The following CHCHD3 variants were observed in gnomAD, a reference collection of about 807,000 sequenced individuals.
CHCHD3 encodes MICOS complex subunit MIC19.
In CHCHD3, 20 loss-of-function variants were observed where a neutral mutation model predicts 38.2. The observed-to-expected ratio is 0.52, with a 90% CI of 0.37 to 0.76. The LOEUF is 0.76. CHCHD3 is among the 30% of genes least tolerant of loss of function. The probability of loss-of-function intolerance (pLI) is 0.00; values close to 1 mark genes in which losing one functional copy is unlikely to be tolerated. For synonymous variants in CHCHD3, 82 were observed against 100.0 expected, an observed-to-expected ratio of 0.82 and a Z score of 1.07; for missense variants, 245 against 279.2, an observed-to-expected ratio of 0.88 and a Z score of 0.87.
chr7:133,047,406 T>G (rs549218325), intron 2 of CHCHD3, among the ~76,000 whole-genome samples: 13 of 152,200 alleles, frequency 8.5e-5, no homozygotes, highest in Non-Finnish European at 1.9e-4. Flanking sequence ...CAGGAAAAGC[T>G]ACCCTGCCTG....
chr7:133,000,566 T>G (rs572197932), intron 3 of CHCHD3, among the ~76,000 whole-genome samples: 1 of 152,300 alleles, frequency 6.6e-6, no homozygotes, highest in South Asian at 2.1e-4. Context: ...GGATTTAGCT[T>G]TTTTCACTTA....
At position 133,013,181 on chromosome 7, in the gene CHCHD3, G is replaced by A. The variant is rs904444657; in HGVS notation, c.251+11365C>T. The stretch of plus-strand genomic sequence containing the variant: ...AGCCTGGGCAACAGAGCAAGACTCC[G>A]CCTCAAAAAAAAAAAAAAAAAAAAA... On this transcript the variant is annotated intron_variant, in intron 3 of 7. Coordinates refer to ENST00000262570, the MANE Select transcript of CHCHD3 (RefSeq NM_017812.4). 4.6e-4 allele frequency among the ~76,000 whole-genome samples: 21 copies of A among 45,926 alleles called. No individual in the cohort carries two copies. The South Asian group carries it at 0.013, about 28-fold the overall frequency. 30.1% of individuals were successfully genotyped at this position (45,926 alleles called of 152,430 possible).
chr7:133,027,612 T>C (rs1341749374), intron 2 of CHCHD3, among the ~76,000 whole-genome samples: 7 of 152,116 alleles, frequency 4.6e-5, no homozygotes, highest in Non-Finnish European at 8.8e-5. Context: ...AACAACCTTT[T>C]CTCAAATGGG....
intron 5 of CHCHD3, among the ~76,000 whole-genome samples, chr7:132,874,239 T>C (rs1395123030): frequency 6.6e-6 from 1 of 152,226 alleles, no homozygotes; most frequent in Non-Finnish European, 1.5e-5. Context: ...CCATTCTCTC[T>C]GAACTCCAGT....
intron 5 of CHCHD3, among the ~76,000 whole-genome samples, chr7:132,858,409 T>G (rs940657296): frequency 1.3e-5 from 2 of 152,180 alleles, no homozygotes; most frequent in Admixed American, 6.5e-5. Flanking sequence ...GAGCCAACTT[T>G]TATTATATAC....
rs188196547 is a variant in CHCHD3, at chr7:132,898,875, C to G, written c.370-13130G>C. Reference sequence around the variant, plus strand: ...TGCTAAGCCCCTCATTGCCCGGGGCCGGCAGGGCCGGCCGGCTGCTCCGAG... The same window carrying G: ...TGCTAAGCCCCTCATTGCCCGGGGCGGGCAGGGCCGGCCGGCTGCTCCGAG... On this transcript the variant is annotated intron_variant, in intron 4 of 7. Transcript: ENST00000262570. 6.6e-3 allele frequency among the ~76,000 whole-genome samples: 1,002 copies of G among 152,302 alleles called. 11 individuals carry two copies. Among genetic ancestry groups the G allele is most frequent in the African/African-American group, 0.022 (930 of 41,570 alleles).
intron 4 of CHCHD3, among the ~76,000 whole-genome samples, chr7:132,918,840 A>G (rs1810183946): frequency 6.6e-6 from 1 of 152,166 alleles, no homozygotes; most frequent in African/African-American, 2.4e-5. Context: ...AATAGAAACT[A>G]CTGGCAAATA....
chr7:133,031,367 G>A (rs1333944166), intron 2 of CHCHD3, among the ~76,000 whole-genome samples: 1 of 152,068 alleles, frequency 6.6e-6, no homozygotes, highest in Non-Finnish European at 1.5e-5. Context: ...AGGACTTGAT[G>A]AACTCATCAA....
chr7:132,969,571 T>G (rs921911745), intron 4 of CHCHD3, among the ~76,000 whole-genome samples: 1 of 152,232 alleles, frequency 6.6e-6, no homozygotes, highest in Non-Finnish European at 1.5e-5. Flanking sequence ...TTACTGATAC[T>G]AGAAACCTTG....
chr7:133,006,488 TAAATAAAA>T (rs199933754), intron 3 of CHCHD3, among the ~76,000 whole-genome samples: 7,153 of 62,220 alleles, frequency 0.11, 512 homozygotes, highest in East Asian at 0.36. Flanking sequence ...AATAAATAAA[TAAATAAAA>T]AAATAAATAA....
At chr7:132,805,136 G>A (rs776251639) in intron 6 of CHCHD3, among the ~76,000 whole-genome samples, 4 of 152,240 alleles carry the variant, frequency 2.6e-5, no homozygotes, top group Non-Finnish European at 5.9e-5. Context: ...GGATGTGCAG[G>A]AACAAAGGGG....
chr7:132,888,177 CAAAA>C (rs1809263961), intron 4 of CHCHD3, among the ~76,000 whole-genome samples: 1 of 151,660 alleles, frequency 6.6e-6, no homozygotes, highest in East Asian at 1.9e-4. Flanking sequence ...CAAAAACAAA[CAAAA>C]AAGCAGAAGG....
chr7:132,851,337 G>A (rs1808214190), intron 5 of CHCHD3, among the ~76,000 whole-genome samples: 1 of 152,200 alleles, frequency 6.6e-6, no homozygotes, highest in Admixed American at 6.5e-5. Flanking sequence ...TACTGGGAAA[G>A]TGACTCTAAT....
At chr7:133,019,212 C>A (rs1217184461) in intron 3 of CHCHD3, among the ~76,000 whole-genome samples, 1 of 152,250 alleles carries the variant, frequency 6.6e-6, no homozygotes, top group East Asian at 1.9e-4. Flanking sequence ...GTATTTTAAA[C>A]ATGATGCTAC....
chr7:132,792,921 A>G (rs1281169946), intron 7 of CHCHD3, among the ~76,000 whole-genome samples: 2 of 152,230 alleles, frequency 1.3e-5, no homozygotes, highest in African/African-American at 4.8e-5. Context: ...TTAGACTAGC[A>G]ACTCCCAATG....
intron 4 of CHCHD3, among the ~76,000 whole-genome samples, chr7:132,889,400 G>A (rs1585607896): frequency 6.6e-6 from 1 of 151,980 alleles, no homozygotes; most frequent in Admixed American, 6.6e-5. Flanking sequence ...TTCAACACTT[G>A]AGCCTGCTGA....
intron 4 of CHCHD3, among the ~76,000 whole-genome samples, chr7:132,964,818 A>G: frequency 6.6e-6 from 1 of 152,214 alleles, no homozygotes; most frequent in Non-Finnish European, 1.5e-5. Flanking sequence ...ACATAAGAGA[A>G]TGTTTTTAAA....
At chr7:133,040,186 T>C (rs1376263813) in intron 2 of CHCHD3, among the ~76,000 whole-genome samples, 1 of 152,136 alleles carries the variant, frequency 6.6e-6, no homozygotes, top group African/African-American at 2.4e-5. Flanking sequence ...ATGTTGGGTA[T>C]ACTTGCAAGA....
chr7:133,016,035 C>T (rs988103896), intron 3 of CHCHD3, among the ~76,000 whole-genome samples: 1 of 152,130 alleles, frequency 6.6e-6, no homozygotes, highest in African/African-American at 2.4e-5. Context: ...TGGTGCTAAA[C>T]CATTAGAAAC....
Sources: gnomAD v4.1 joint callset for allele counts (sites outside exome capture counted in the v4.1 genomes callset) on GRCh38, gnomAD v4.1.1 for gene constraint, MANE v1.5 for transcripts, NCBI Gene and HGNC (gene_info 2026-07-23, HGNC 2026-07-21) for gene names.